Variants in PCDHA9 observed in about 807,000 individuals in gnomAD.
The protein encoded by PCDHA9 is protocadherin alpha-9.
PCDHA9 carries 62 observed loss-of-function variants against 62.0 expected under a neutral mutation model. The observed-to-expected ratio is 1.00, with a 90% CI of 0.81 to 1.23. The LOEUF (loss-of-function observed/expected upper bound fraction) is 1.23. PCDHA9 is among the 50% of genes most tolerant of loss of function. PCDHA9 has a pLI of 0.00. For synonymous variants in PCDHA9, 557 were observed against 567.6 expected (o/e 0.98, Z 0.27); for missense variants, 1,205 against 1,249.8 (o/e 0.96, Z 0.54).
chr5:140,987,034 C>T (rs782321957), intron 3 of PCDHA9, among the ~76,000 whole-genome samples: 12 of 151,770 alleles, frequency 7.9e-5, no homozygotes, highest in Non-Finnish European at 1.6e-4. Context: ...GTCAACATGG[C>T]GAAACCCCAT....
intron 1 of PCDHA9, chr5:140,882,420 A>G: frequency 1.2e-6 from 2 of 1,614,046 alleles, no homozygotes; most frequent in Non-Finnish European, 1.7e-6. Flanking sequence ...ATCGCTCAGG[A>G]CCTGGGGCTG....
intron 1 of PCDHA9, chr5:140,876,017 T>TAAAAAC (rs782503573): frequency 2.3e-5 from 37 of 1,613,124 alleles, no homozygotes; most frequent in Non-Finnish European, 2.8e-5. Context: ...GAGCTTAAAA[T>TAAAAAC]AAAAACAAAA....
At chr5:140,882,415 T>G (rs782393404) in intron 1 of PCDHA9, 23 of 1,614,072 alleles carry the variant, frequency 1.4e-5, no homozygotes, top group African/African-American at 2.7e-5. Flanking sequence ...GCCGCATCGC[T>G]CAGGACCTGG....
intron 1 of PCDHA9, among the ~76,000 whole-genome samples, chr5:140,973,810 T>C (rs1179978402): frequency 6.6e-6 from 1 of 152,230 alleles, no homozygotes; most frequent in Non-Finnish European, 1.5e-5. Context: ...CTTGACAGAA[T>C]AGCAAAGTCA....
chr5:140,933,753 G>A (rs1554209575), intron 1 of PCDHA9, among the ~76,000 whole-genome samples: 1 of 151,976 alleles, frequency 6.6e-6, no homozygotes. Context: ...GAATTCACTA[G>A]TGAAGCTCTC....
intron 1 of PCDHA9, chr5:140,856,278 A>G (rs1428005980): frequency 4.4e-6 from 7 of 1,598,190 alleles, no homozygotes; most frequent in Non-Finnish European, 6.0e-6. Context: ...CTGGAGGTAA[A>G]TCTGCAGAAT....
chr5:140,851,545 G>A, intron 1 of PCDHA9: 1 of 908,276 alleles, frequency 1.1e-6, no homozygotes, highest in East Asian at 1.2e-4. Context: ...GATAATTCAA[G>A]AAATGTTGAC....
intron 1 of PCDHA9, chr5:140,871,261 C>T (rs1554165342): frequency 3.1e-6 from 5 of 1,613,864 alleles, no homozygotes; most frequent in Admixed American, 3.3e-5. Context: ...GTATACGGCG[C>T]TGTGGTGGTC....
At chr5:140,877,652 C>T (rs1456022709) in intron 1 of PCDHA9, 1 of 1,613,400 alleles carries the variant, frequency 6.2e-7, no homozygotes, top group Non-Finnish European at 8.5e-7. Context: ...TCAGCGCCGC[C>T]CACCGTGAGC....
chr5:140,942,701 G>T (rs2093357342), intron 1 of PCDHA9, among the ~76,000 whole-genome samples: 1 of 152,080 alleles, frequency 6.6e-6, no homozygotes, highest in Non-Finnish European at 1.5e-5. Flanking sequence ...TGAGAAATAT[G>T]AAGTAAAAGT....
intron 1 of PCDHA9, chr5:140,869,297 G>A (rs781788461): frequency 1.2e-6 from 2 of 1,613,576 alleles, no homozygotes; most frequent in East Asian, 2.2e-5. Flanking sequence ...CGCCTGTTCC[G>A]GGTGGCGTCC....
At chr5:140,862,636 T>C in intron 1 of PCDHA9, 1 of 539,338 alleles carries the variant, frequency 1.9e-6, no homozygotes, top group East Asian at 5.1e-5. Flanking sequence ...CTGCCACGAC[T>C]TCACAGTGTC....
At chr5:140,853,515 G>A in intron 1 of PCDHA9, 1 of 976,904 alleles carries the variant, frequency 1.0e-6, no homozygotes, top group Non-Finnish European at 1.2e-6. Context: ...CAATAATGAA[G>A]CTCCTCCTAT....
At chr5:140,851,037 T>C (rs1393971342) in intron 1 of PCDHA9, 148 bp downstream of exon 1, 4 of 1,398,626 alleles carry the variant, frequency 2.9e-6, no homozygotes, top group Non-Finnish European at 3.8e-6. Flanking sequence ...CCCTTAACAT[T>C]GGAGCCGACT....
intron 1 of PCDHA9, among the ~76,000 whole-genome samples, chr5:140,881,010 T>A (rs782629592): frequency 1.3e-5 from 2 of 152,198 alleles, no homozygotes; most frequent in Admixed American, 1.3e-4. Context: ...AGCAGAGCTA[T>A]GGAAATAAAC....
chr5:140,979,053 T>A (rs1429544807), intron 2 of PCDHA9, 46 bp downstream of exon 2: 3 of 1,610,104 alleles, frequency 1.9e-6, no homozygotes, highest in Admixed American at 3.4e-5. Context: ...CTTAACTTGG[T>A]ATGGCTCAGA....
intron 1 of PCDHA9, chr5:140,852,270 CAT>C (rs1193934371): frequency 1.4e-5 from 7 of 503,434 alleles, no homozygotes; most frequent in South Asian, 1.7e-4. Context: ...TACAATATTA[CAT>C]GTTTTTTGTC....
chr5:140,938,207 A>G (rs782001361), intron 1 of PCDHA9, among the ~76,000 whole-genome samples: 6 of 152,112 alleles, frequency 3.9e-5, no homozygotes, highest in Non-Finnish European at 8.8e-5. Flanking sequence ...CAGCCTCCCA[A>G]AGTGCTGGGA....
At chr5:140,985,616 G>C in intron 3 of PCDHA9, among the ~76,000 whole-genome samples, 1 of 152,104 alleles carries the variant, frequency 6.6e-6, no homozygotes, top group African/African-American at 2.4e-5. Flanking sequence ...CCGTGAACCA[G>C]CTGTGTATTG....
Sources: allele counts gnomAD v4.1 joint callset (sites outside exome capture counted in the v4.1 genomes callset), GRCh38; gene constraint gnomAD v4.1.1; transcripts MANE v1.5; gene names NCBI Gene and HGNC (gene_info 2026-07-23, HGNC 2026-07-21).